The following PPP2R2B variants were observed in gnomAD, a reference collection of about 807,000 sequenced individuals.
The protein encoded by PPP2R2B is protein phosphatase 2 regulatory subunit Bbeta, also known as serine/threonine-protein phosphatase 2A 55 kDa regulatory subunit B beta isoform.
A neutral mutation model predicts 46.0 loss-of-function variants in PPP2R2B; 5 were observed. The observed-to-expected ratio is 0.11, with a 90% confidence interval of 0.06 to 0.23. The LOEUF is 0.23. Among genes scored for constraint, PPP2R2B ranks in the 10% least tolerant of loss-of-function variants. The probability of loss-of-function intolerance (pLI) is 1.00; values close to 1 mark genes in which losing one functional copy is unlikely to be tolerated. For missense variants in PPP2R2B, 367 were observed against 575.0 expected, an observed-to-expected ratio of 0.64 and a Z score of 3.70; for synonymous variants, 215 against 206.7, an observed-to-expected ratio of 1.04 and a Z score of -0.34.
intron 1 of PPP2R2B, among the ~76,000 whole-genome samples, chr5:146,985,109 C>G (rs1225179115): frequency 6.7e-6 from 1 of 148,304 alleles, no homozygotes; most frequent in Non-Finnish European, 1.5e-5. Context: ...CAACCTATGC[C>G]TCCCAGGTTC....
At chr5:146,968,662 A>T (rs1752541422) in intron 1 of PPP2R2B, among the ~76,000 whole-genome samples, 1 of 152,222 alleles carries the variant, frequency 6.6e-6, no homozygotes, top group Non-Finnish European at 1.5e-5. Context: ...TTTAATCTGC[A>T]TTATTGACAT....
rs140965077 is a variant in PPP2R2B at position 146,599,814 on chromosome 5, A to G, written c.960+477T>C. Among the ~76,000 whole-genome samples the G allele has an allele frequency of 4.6e-3, 702 of 152,250 alleles. 7 individuals are homozygous for G. The highest frequency in any genetic ancestry group is 9.5e-3 in the Admixed American group (145 of 15,284). On this transcript the variant is annotated intron_variant, in intron 8 of 9. Transcript: ENST00000394411. ...TCCTCCCTGAGCCCCCCACCCTCTG[A>G]CAGGCCCCGGTGTATGATGTTCCCC... is the stretch of plus-strand genomic sequence containing the variant.
chr5:147,032,624 T>G (rs1275279469), intron 1 of PPP2R2B, among the ~76,000 whole-genome samples: 2 of 152,204 alleles, frequency 1.3e-5, no homozygotes, highest in African/African-American at 4.8e-5. Flanking sequence ...GTTCCATTCT[T>G]GAGTTACTTC....
chr5:146,828,657 G>A (rs960345954), intron 2 of PPP2R2B, among the ~76,000 whole-genome samples: 1 of 152,150 alleles, frequency 6.6e-6, no homozygotes, highest in African/African-American at 2.4e-5. Flanking sequence ...GGACAAAAAG[G>A]ATGATCTTTT....
intron 2 of PPP2R2B, among the ~76,000 whole-genome samples, chr5:146,722,086 C>T (rs1435178908): frequency 2.0e-5 from 3 of 152,178 alleles, no homozygotes; most frequent in African/African-American, 7.2e-5. Flanking sequence ...CTTATGTTAA[C>T]CCAGCTAGCC....
chr5:146,913,898 T>C (rs1763280705), intron 1 of PPP2R2B, among the ~76,000 whole-genome samples: 1 of 152,236 alleles, frequency 6.6e-6, no homozygotes, highest in Non-Finnish European at 1.5e-5. Context: ...GCTTTTCACT[T>C]ACTACTTACG....
At chr5:146,629,257 T>C (rs1014600361) in intron 7 of PPP2R2B, among the ~76,000 whole-genome samples, 3 of 152,208 alleles carry the variant, frequency 2.0e-5, no homozygotes, top group Admixed American at 6.5e-5. Context: ...GGTCTTTCCA[T>C]GCCAAAACTG....
At chr5:146,784,018 C>A (rs1307697130) in intron 2 of PPP2R2B, among the ~76,000 whole-genome samples, 1 of 152,154 alleles carries the variant, frequency 6.6e-6, no homozygotes, top group East Asian at 1.9e-4. Context: ...ACAAAGGAAG[C>A]AGAAGCACCG....
chr5:147,073,675 A>G (rs1757670588), intron 2 of PPP2R2B, among the ~76,000 whole-genome samples: 1 of 152,192 alleles, frequency 6.6e-6, no homozygotes, highest in African/African-American at 2.4e-5. Flanking sequence ...CTCTGCTCTT[A>G]GAATTGCCCT....
At chr5:147,069,354 C>G (rs1325392290) in intron 2 of PPP2R2B, among the ~76,000 whole-genome samples, 1 of 152,178 alleles carries the variant, frequency 6.6e-6, no homozygotes, top group Non-Finnish European at 1.5e-5. Context: ...ACTGAAAATT[C>G]TCCACTGAGG....
chr5:146,941,332 C>T (rs1482624064), intron 1 of PPP2R2B, among the ~76,000 whole-genome samples: 1 of 152,142 alleles, frequency 6.6e-6, no homozygotes, highest in Non-Finnish European at 1.5e-5. Flanking sequence ...TTCCTTTCAG[C>T]TCATTGTTAT....
chr5:146,678,282 A>T (rs181090917), intron 5 of PPP2R2B, among the ~76,000 whole-genome samples: 1,801 of 151,792 alleles, frequency 0.012, 16 homozygotes, highest in Non-Finnish European at 0.017. Flanking sequence ...ACAGAGCCAA[A>T]GACAAAAACC....
At chr5:146,743,881 G>T (rs1415538901) in intron 2 of PPP2R2B, among the ~76,000 whole-genome samples, 1 of 152,116 alleles carries the variant, frequency 6.6e-6, no homozygotes, top group East Asian at 1.9e-4. Flanking sequence ...TACAGCCAGG[G>T]TTACCAAGAT....
At chr5:146,626,974 G>A (rs1774105744) in intron 7 of PPP2R2B, among the ~76,000 whole-genome samples, 1 of 152,198 alleles carries the variant, frequency 6.6e-6, no homozygotes, top group Admixed American at 6.5e-5. Context: ...GATGGAAGAA[G>A]GGGGAAGGGA....
At chr5:146,885,057 T>C (rs1047650298) in intron 1 of PPP2R2B, among the ~76,000 whole-genome samples, 1 of 152,152 alleles carries the variant, frequency 6.6e-6, no homozygotes, top group Non-Finnish European at 1.5e-5. Context: ...GTTAGGCAAA[T>C]TATAATGAGT....
intron 1 of PPP2R2B, among the ~76,000 whole-genome samples, chr5:147,006,613 G>A (rs1043777053): frequency 6.6e-6 from 1 of 152,088 alleles, no homozygotes; most frequent in Non-Finnish European, 1.5e-5. Flanking sequence ...CACACTCTCA[G>A]AGGATTTCTC....
chr5:146,878,255 A>G lies in PPP2R2B; in HGVS notation c.-124-60T>C. The G allele has an allele frequency of 9.3e-6, 14 of 1,500,530 alleles. No homozygotes were observed. The highest frequency in any genetic ancestry group is 1.2e-5 in the Non-Finnish European group (14 of 1,127,408). The allele number at this position is 1,500,530 out of a possible 1,614,324, so 93.0% of individuals were successfully genotyped here. A position where few individuals can be genotyped will look rare whatever the true frequency, so the allele number is the denominator to read the frequency against. On this transcript the variant is annotated intron_variant, in intron 1 of 9. Transcript: ENST00000394411. This position sits in a 1 kb window ranked among gnomAD's most constrained non-coding sequence, Gnocchi z 4.5. ...ATAAAAACCCGGCAATGGAGCTGTC[A>G]CCTCCTCCACTCGGGTTCTGCGAGG...
intron 2 of PPP2R2B, among the ~76,000 whole-genome samples, chr5:146,750,238 C>A (rs1037417461): frequency 6.6e-6 from 1 of 152,044 alleles, no homozygotes; most frequent in African/African-American, 2.4e-5. Flanking sequence ...CTGATTCTTC[C>A]CAGTTTATTA....
upstream of PPP2R2B, among the ~76,000 whole-genome samples, chr5:146,879,470 T>C (rs112504027): frequency 7.0e-4 from 107 of 152,306 alleles, no homozygotes; most frequent in African/African-American, 2.6e-3. Context: ...AGCCTCTCCG[T>C]TAGGTTTTGC....
Sources: gnomAD v4.1 joint callset for allele counts (sites outside exome capture counted in the v4.1 genomes callset) on GRCh38, gnomAD v4.1.1 for gene constraint, Gnocchi (gnomAD v3.1) non-coding constraint, MANE v1.5 for transcripts, NCBI Gene and HGNC (gene_info 2026-07-23, HGNC 2026-07-21) for gene names.